The following GRIA2 variants were observed in gnomAD, a reference collection of about 807,000 sequenced individuals.
GRIA2 encodes the protein glutamate receptor 2.
In GRIA2, 14 loss-of-function variants were observed where a neutral mutation model predicts 97.3. That is an observed-to-expected ratio of 0.14 (90% confidence interval 0.10 to 0.23). The LOEUF is 0.23. Ranked by LOEUF, GRIA2 falls within the 10% of genes least tolerant of loss-of-function variation. GRIA2 has a pLI of 1.00. For missense variants in GRIA2, 558 were observed against 1,069.8 expected, an observed-to-expected ratio of 0.52 and a Z score of 6.67; for synonymous variants, 412 against 387.8, an observed-to-expected ratio of 1.06 and a Z score of -0.73.
In GRIA2 at chr4:157,281,655, CT is replaced by C. The variant is rs201645498; in HGVS notation, c.230-21889del. ...TAAAATATATTTTGTAAAACTCTCT[CT>C]TTTTTTTGTCTAATTGTGTGGGTCT... On this transcript the variant is annotated intron_variant, in intron 2 of 15. Transcript: ENST00000264426. Among the ~76,000 whole-genome samples the C allele has an allele frequency of 2.7e-4, 40 of 149,854 alleles. No homozygotes were observed. In the East Asian group the frequency reaches 6.0e-3, roughly 23 times the overall value.
intron 2 of GRIA2, among the ~76,000 whole-genome samples, chr4:157,262,750 C>CCT (rs757562371): frequency 5.8e-4 from 88 of 150,636 alleles, no homozygotes; most frequent in South Asian, 4.2e-3. Context: ...GCTCAATTTC[C>CCT]CTCTCTCTCT....
At chr4:157,273,910 C>T (rs1344676666) in intron 2 of GRIA2, among the ~76,000 whole-genome samples, 1 of 151,940 alleles carries the variant, frequency 6.6e-6, no homozygotes, top group Non-Finnish European at 1.5e-5. Context: ...AAACCCCATA[C>T]CTATCTACAT....
At chr4:157,259,567 A>G (rs1246881712) in intron 2 of GRIA2, among the ~76,000 whole-genome samples, 1 of 152,124 alleles carries the variant, frequency 6.6e-6, no homozygotes, top group East Asian at 1.9e-4. Context: ...TGTGTCCTGG[A>G]AGAAGAACAA....
chr4:157,356,324 G>A (rs1449361426), intron 12 of GRIA2, among the ~76,000 whole-genome samples: 1 of 150,728 alleles, frequency 6.6e-6, no homozygotes, highest in Non-Finnish European at 1.5e-5. Flanking sequence ...CTTCCCTGGG[G>A]CCATCTTGAC....
intron 2 of GRIA2, among the ~76,000 whole-genome samples, chr4:157,272,114 T>G (rs1732053736): frequency 6.6e-6 from 1 of 152,070 alleles, no homozygotes. Context: ...TTTCAATATA[T>G]TTAGATTATC....
intron 2 of GRIA2, among the ~76,000 whole-genome samples, chr4:157,270,534 A>G (rs979675376): frequency 6.6e-6 from 1 of 152,168 alleles, no homozygotes; most frequent in African/African-American, 2.4e-5. Context: ...TTTTATTCAC[A>G]TATTTAAGAC....
At chr4:157,314,919 C>T (rs1734243735) in intron 4 of GRIA2, among the ~76,000 whole-genome samples, 1 of 152,144 alleles carries the variant, frequency 6.6e-6, no homozygotes, top group Non-Finnish European at 1.5e-5. Flanking sequence ...GTCTGCATCC[C>T]ATGAACTCAT....
chr4:157,362,503 T>C (rs1401265528), intron 14 of GRIA2: 1 of 519,662 alleles, frequency 1.9e-6, no homozygotes, highest in Non-Finnish European at 3.7e-6. Context: ...ATATAACTAT[T>C]TATCAATTTA....
chr4:157,334,379 G>A (rs928922814), intron 9 of GRIA2: 5 of 351,182 alleles, frequency 1.4e-5, no homozygotes, highest in African/African-American at 1.0e-4. Flanking sequence ...TGAACAATTG[G>A]GGAATGTCTT....
In GRIA2 at chr4:157,321,425, G is replaced by A. The variant is rs779626904; in HGVS notation, c.721-13G>A. ...CAAACAAAAAGCGTGATATCAATGT[G>A]TTCTATGTTTAGGGATTTACTGATG... is the stretch of plus-strand genomic sequence containing the variant. On this transcript the variant is annotated splice_polypyrimidine_tract_variant and intron_variant, in intron 5 of 15. Coordinates refer to ENST00000264426, the MANE Select transcript of GRIA2 (RefSeq NM_001083619.3). 7 of 1,592,824 alleles carry A rather than the reference G, an allele frequency of 4.4e-6. No homozygotes were observed. The East Asian group carries it at 6.7e-5, about 15-fold the overall frequency.
intron 13 of GRIA2, chr4:157,360,691 CGTTT>C (rs1230670016): frequency 1.2e-5 from 6 of 491,640 alleles, no homozygotes; most frequent in Non-Finnish European, 2.4e-5. Flanking sequence ...CCTATTTTGT[CGTTT>C]GTTTTTTTTT....
At chr4:157,227,560 C>A (rs992189572) in intron 2 of GRIA2, among the ~76,000 whole-genome samples, 1 of 152,162 alleles carries the variant, frequency 6.6e-6, no homozygotes, top group African/African-American at 2.4e-5. Flanking sequence ...AGATAGAGAA[C>A]TGTCCTTTAA....
Position 157,221,013 on chromosome 4 carries a change from T to G in GRIA2, c.-30T>G. 1 of 1,035,646 alleles carries G rather than the reference T, an allele frequency of 9.7e-7. No homozygotes were observed. Among genetic ancestry groups the G allele is most frequent in the Non-Finnish European group, 1.5e-6 (1 of 653,356 alleles). The allele number at this position is 1,035,646 out of a possible 1,614,324, so 64.2% of individuals were successfully genotyped here. A position where few individuals can be genotyped will look rare whatever the true frequency, so the allele number is the denominator to read the frequency against. ...AGGAGGAAAAGGAAAAAAAAAGGGG[T>G]ATATTGTGGATGCTCTACTTTTCTT... On this transcript the variant is annotated 5_prime_UTR_variant, in exon 1 of 16. Coordinates refer to ENST00000264426, the MANE Select transcript of GRIA2 (RefSeq NM_001083619.3).
intron 2 of GRIA2, among the ~76,000 whole-genome samples, chr4:157,230,526 TCTTC>T (rs370169669): frequency 0.16 from 23,561 of 146,724 alleles, 2,053 homozygotes; most frequent in African/African-American, 0.19. Flanking sequence ...TTCCTTCCTT[TCTTC>T]CTTCCTTCTT....
intron 2 of GRIA2, among the ~76,000 whole-genome samples, chr4:157,256,967 GT>G: frequency 6.6e-6 from 1 of 152,086 alleles, no homozygotes; most frequent in East Asian, 1.9e-4. Context: ...CATTGTGAGT[GT>G]TGAGGTATTT....
intron 14 of GRIA2, among the ~76,000 whole-genome samples, chr4:157,362,236 G>A (rs1736661701): frequency 1.3e-5 from 2 of 152,060 alleles, no homozygotes; most frequent in African/African-American, 4.8e-5. Context: ...AGAATGTACT[G>A]GAACCTTCAC....
At chr4:157,317,537 G>A (rs945090816) in intron 4 of GRIA2, 121 bp from the exon 5 acceptor site, 2 of 425,998 alleles carry the variant, frequency 4.7e-6, no homozygotes, top group Non-Finnish European at 8.6e-6. Flanking sequence ...ACTTATTTTG[G>A]CACATCAACA....
intron 12 of GRIA2, chr4:157,342,017 G>T (rs563161661): frequency 2.7e-6 from 1 of 365,408 alleles, no homozygotes; most frequent in East Asian, 1.7e-4. Context: ...TTAGATGTAG[G>T]TTACTTTTTT....
intron 14 of GRIA2, chr4:157,362,368 A>G: frequency 2.2e-6 from 1 of 456,662 alleles, no homozygotes; most frequent in Non-Finnish European, 4.4e-6. Context: ...CATGGTCAAC[A>G]TTTAAAACTT....
Sources: gnomAD v4.1 joint callset for allele counts (sites outside exome capture counted in the v4.1 genomes callset) on GRCh38, gnomAD v4.1.1 for gene constraint, MANE v1.5 for transcripts, NCBI Gene and HGNC (gene_info 2026-07-23, HGNC 2026-07-21) for gene names.